FBP2: variants seen among roughly 807,000 people sequenced by gnomAD.
FBP2 encodes the protein fructose-bisphosphatase 2.
Under a neutral mutation model 31.6 loss-of-function variants are expected in FBP2, and 27 were observed. The observed-to-expected ratio is 0.85, with a 90% CI of 0.63 to 1.18. The LOEUF (loss-of-function observed/expected upper bound fraction) is 1.18. Ranked by LOEUF, FBP2 falls within the 50% of genes most tolerant of loss-of-function variation. The pLI is 0.00. For synonymous variants in FBP2, 168 were observed against 179.8 expected, an observed-to-expected ratio of 0.93 and a Z score of 0.53; for missense variants, 421 against 436.1, an observed-to-expected ratio of 0.97 and a Z score of 0.31.
At position 94,567,475 on chromosome 9, in the gene FBP2, C is replaced by G. The variant is rs558886069; in HGVS notation, c.568-68G>C. 20 of 1,582,332 alleles carry G rather than the reference C, an allele frequency of 1.3e-5. No individual in the cohort carries two copies. In the South Asian group the frequency reaches 2.1e-4, roughly 17 times the overall value. ...GGAAACAAGCCAACCGCACAATCCC[C>G]ACATCAGAGCAGGAGAAGATGGGGG... On this transcript the variant is annotated intron_variant, in intron 4 of 6. Transcript: ENST00000375337.
chr9:94,558,924 T>A lies in FBP2; in HGVS notation c.*14A>T, dbSNP rs751535157. ...TGCAAGACAAACAGAAGAGGGCATG[T>A]GGGGTCAAACTCGCTAGCTGCCTGC... On this transcript the variant is annotated 3_prime_UTR_variant, in exon 7 of 7. Transcript: ENST00000375337. The A allele has an allele frequency of 6.2e-7, 1 of 1,613,436 alleles. No individual in the cohort carries two copies.
intron 6 of FBP2, among the ~76,000 whole-genome samples, chr9:94,559,646 A>G (rs1587834180): frequency 6.6e-6 from 1 of 152,182 alleles, no homozygotes; most frequent in Middle Eastern, 3.4e-3. Context: ...TTGTCTAACT[A>G]GTTTGCCGGT....
intron 3 of FBP2, among the ~76,000 whole-genome samples, chr9:94,576,908 G>A (rs1386227226): frequency 6.6e-6 from 1 of 152,028 alleles, no homozygotes. Flanking sequence ...GGTTGGGGGG[G>A]CATTGGAAAC....
Position 94,591,302 on chromosome 9 carries a change from T to C in FBP2, c.170+2255A>G, listed in dbSNP as rs1044287587. Among the ~76,000 whole-genome samples the C allele has an allele frequency of 9.8e-5, 15 of 152,330 alleles. No individual in the cohort carries two copies. In the South Asian group the frequency reaches 2.7e-3, roughly 27 times the overall value. ...GAGCCCTGCCCCGCGGGAAGGCACC[T>C]AAGGCCCAGCGAGAAATCGAGCGCA... On this transcript the variant is annotated intron_variant, in intron 1 of 6. Coordinates refer to ENST00000375337, the MANE Select transcript of FBP2 (RefSeq NM_003837.4).
At chr9:94,588,133 G>C (rs919764532) in intron 1 of FBP2, among the ~76,000 whole-genome samples, 13 of 152,234 alleles carry the variant, frequency 8.5e-5, no homozygotes, top group Non-Finnish European at 1.3e-4. Flanking sequence ...TTACAGGCAT[G>C]AGCCACCATG....
At chr9:94,578,905 T>C (rs963832437) in intron 3 of FBP2, among the ~76,000 whole-genome samples, 4 of 149,786 alleles carry the variant, frequency 2.7e-5, no homozygotes, top group African/African-American at 4.9e-5. Flanking sequence ...TACAAAAAAT[T>C]AGCTGGGTGT....
At position 94,567,328 on chromosome 9, in the gene FBP2, T is replaced by C. The variant is rs146159894; in HGVS notation, c.647A>G (p.Tyr216Cys). ...KGKIYSLNEGYAKYFDAATTE... is the reference protein window; with the variant it reads ...KGKIYSLNEGCAKYFDAATTE... Reference sequence around the variant, plus strand: ...GGTGGCCGCATCAAAATACTTGGCATAGCCCTCATTCAGGCTGTAAATCTT... The same window carrying C: ...GGTGGCCGCATCAAAATACTTGGCACAGCCCTCATTCAGGCTGTAAATCTT... The change falls in exon 5 of 7, where the codon TAT (tyrosine) becomes TGT (cysteine). Residue 216 changes from tyrosine (Y) to cysteine (C), a missense_variant. Physicochemically the swap from Tyr to Cys is radical, Grantham distance 194. Coordinates refer to ENST00000375337, the MANE Select transcript of FBP2 (RefSeq NM_003837.4). 572 of 1,614,202 alleles carry C rather than the reference T, an allele frequency of 3.5e-4. 2 individuals carry two copies. In the African/African-American group the frequency reaches 6.8e-3, roughly 19 times the overall value.
At position 94,593,760 on chromosome 9, in the gene FBP2, G is replaced by A; in HGVS notation, c.-34C>T. On this transcript the variant is annotated 5_prime_UTR_variant, in exon 1 of 7. Transcript: ENST00000375337. ...GAATGCTTCAAATCCTTTTCTCCCGGCAGGAAACCTTGCTTACTTCTGAGG... is the reference window on the plus strand; with the variant it reads ...GAATGCTTCAAATCCTTTTCTCCCGACAGGAAACCTTGCTTACTTCTGAGG... 1 of 1,610,194 alleles carries A rather than the reference G, an allele frequency of 6.2e-7. No individual in the cohort carries two copies. The highest frequency in any genetic ancestry group is 1.3e-5 in the African/African-American group (1 of 74,988).
At chr9:94,568,798 C>G (rs1001075149) in intron 4 of FBP2, 3 of 152,208 alleles carry the variant, frequency 2.0e-5, no homozygotes, top group Non-Finnish European at 4.4e-5. Flanking sequence ...TTCAATCTCT[C>G]TGCCTCCTAG....
chr9:94,584,723 T>C, intron 2 of FBP2, 54 bp from the exon 3 acceptor site: 2 of 1,098,626 alleles, frequency 1.8e-6, no homozygotes, highest in Non-Finnish European at 1.4e-6. Flanking sequence ...ATTAGCACAA[T>C]TGCTCTGTGT....
intron 1 of FBP2, among the ~76,000 whole-genome samples, chr9:94,590,591 G>C (rs530966829): frequency 6.6e-6 from 1 of 152,290 alleles, no homozygotes; most frequent in South Asian, 2.1e-4. Context: ...GTGGGCTCGT[G>C]GTCTCACTGG....
At chr9:94,585,441 G>A (rs1326023738) in intron 2 of FBP2, among the ~76,000 whole-genome samples, 1 of 151,858 alleles carries the variant, frequency 6.6e-6, no homozygotes, top group East Asian at 1.9e-4. Flanking sequence ...TCCAGTGGGA[G>A]AACAGACAGA....
chr9:94,568,727 A>G lies in FBP2; in HGVS notation c.568-1320T>C, dbSNP rs925164732. 5 of 152,288 alleles carry G rather than the reference A, an allele frequency of 3.3e-5. No individual in the cohort carries two copies. The South Asian group carries it at 1.0e-3, about 32-fold the overall frequency. The allele number at this position is 152,288 out of a possible 1,614,324, so 9.4% of individuals were successfully genotyped here. ...TCAGTGCCAAGGAGACTCAATAACA[A>G]AAACAACTAAACAATCCTTTCCTGC... On this transcript the variant is annotated intron_variant, in intron 4 of 6. Coordinates refer to ENST00000375337, the MANE Select transcript of FBP2 (RefSeq NM_003837.4).
At chr9:94,570,386 T>A (rs907767205) in intron 4 of FBP2, 6 of 152,186 alleles carry the variant, frequency 3.9e-5, no homozygotes, top group Admixed American at 2.0e-4. Flanking sequence ...TTACTCACTC[T>A]CTCTACGCCT....
chr9:94,592,777 C>T (rs1017573239), intron 1 of FBP2, among the ~76,000 whole-genome samples: 1 of 152,208 alleles, frequency 6.6e-6, no homozygotes, highest in Non-Finnish European at 1.5e-5. Flanking sequence ...TCATGATCCA[C>T]CCACCTTGGC....
At chr9:94,591,439 T>G (rs1827502098) in intron 1 of FBP2, among the ~76,000 whole-genome samples, 1 of 152,048 alleles carries the variant, frequency 6.6e-6, no homozygotes, top group Non-Finnish European at 1.5e-5. Context: ...CTGCTCGGAG[T>G]GCGGGCCCGC....
chr9:94,570,201 G>T (rs1473886247), intron 4 of FBP2: 1 of 152,180 alleles, frequency 6.6e-6, no homozygotes, highest in African/African-American at 2.4e-5. Flanking sequence ...CTTTGAATTG[G>T]GTCCCTGAGT....
Position 94,559,047 on chromosome 9 carries a change from A to G in FBP2, c.911T>C (p.Leu304Pro), listed in dbSNP as rs749885713. 1 of 1,614,144 alleles carries G rather than the reference A, an allele frequency of 6.2e-7. No individual in the cohort carries two copies. Among genetic ancestry groups the G allele is most frequent in the Middle Eastern group, 1.6e-4 (1 of 6,062 alleles). The change falls in exon 7 of 7, where the codon CTG (leucine) becomes CCG (proline). Residue 304 changes from leucine to proline, a missense_variant. Coordinates refer to ENST00000375337, the MANE Select transcript of FBP2 (RefSeq NM_003837.4). ...GTGAATTGCCTCGGGCTTCACGTCC[A>G]GTACAGGCTGGGTCCCCGTGGTCGC... ...GLATTGTQPV[L>P]DVKPEAIHQR...
chr9:94,571,394 G>T, intron 4 of FBP2, 68 bp downstream of exon 4: 1 of 1,442,608 alleles, frequency 6.9e-7, no homozygotes, highest in South Asian at 1.5e-5. Context: ...TTATCGCAGA[G>T]AACTGGCATT....
Sources: allele counts gnomAD v4.1 joint callset (sites outside exome capture counted in the v4.1 genomes callset), GRCh38; gene constraint gnomAD v4.1.1; transcripts MANE v1.5; gene names NCBI Gene and HGNC (gene_info 2026-07-23, HGNC 2026-07-21).